The following OSBP variants were observed in gnomAD, a reference collection of about 807,000 sequenced individuals.
The protein encoded by OSBP is oxysterol-binding protein 1.
In OSBP, 32 loss-of-function variants were observed where a neutral mutation model predicts 96.6. The observed-to-expected ratio is 0.33, with a 90% CI of 0.25 to 0.45. The LOEUF (loss-of-function observed/expected upper bound fraction) is 0.45. OSBP is among the 20% of genes least tolerant of loss of function. The pLI, the probability that OSBP is intolerant of heterozygous loss-of-function variation, is 1.00. For missense variants in OSBP, 653 were observed against 1,029.7 expected (o/e 0.63, Z 5.01); for synonymous variants, 369 against 389.6 (o/e 0.95, Z 0.62).
intron 9 of OSBP, among the ~76,000 whole-genome samples, chr11:59,582,886 T>G (rs981157788): frequency 2.0e-5 from 3 of 152,224 alleles, no homozygotes; most frequent in Admixed American, 6.5e-5. Context: ...CCTAATAAAA[T>G]GCTTGAAACA....
At chr11:59,589,324 G>A (rs968688479) in intron 9 of OSBP, among the ~76,000 whole-genome samples, 1 of 151,768 alleles carries the variant, frequency 6.6e-6, no homozygotes, top group African/African-American at 2.4e-5. Context: ...TTGGCCAGGC[G>A]TGGTGGTGCC....
intron 1 of OSBP, among the ~76,000 whole-genome samples, chr11:59,611,208 T>G (rs1860842848): frequency 6.6e-6 from 1 of 150,636 alleles, no homozygotes; most frequent in South Asian, 2.1e-4. Context: ...CTACATGCAA[T>G]GTTAATTTAG....
At chr11:59,615,258 A>T in intron 1 of OSBP, 45 bp downstream of exon 1, 2 of 1,498,756 alleles carry the variant, frequency 1.3e-6, no homozygotes. Context: ...CTGTTGGCAG[A>T]TATGGGGGAG....
At chr11:59,583,940 GT>G (rs1196897419) in intron 9 of OSBP, among the ~76,000 whole-genome samples, 1,170 of 93,596 alleles carry the variant, frequency 0.013, 9 homozygotes, top group African/African-American at 0.047. Flanking sequence ...ACCTGATGGT[GT>G]TTTTTTTTTT....
intron 9 of OSBP, among the ~76,000 whole-genome samples, chr11:59,593,151 C>T (rs1860606574): frequency 6.6e-6 from 1 of 152,024 alleles, no homozygotes; most frequent in Admixed American, 6.6e-5. Flanking sequence ...TCAGCCATTA[C>T]ATAAATGATA....
intron 9 of OSBP, among the ~76,000 whole-genome samples, chr11:59,583,742 C>A (rs1292940836): frequency 2.1e-5 from 3 of 140,752 alleles, no homozygotes; most frequent in Non-Finnish European, 4.5e-5. Flanking sequence ...CTCCCGGGTT[C>A]AAACAATCCT....
At chr11:59,585,560 C>G (rs1216829887) in intron 9 of OSBP, among the ~76,000 whole-genome samples, 2 of 151,644 alleles carry the variant, frequency 1.3e-5, no homozygotes, top group African/African-American at 2.4e-5. Flanking sequence ...GTCAGCCCCC[C>G]GCCCGGCCAG....
At chr11:59,594,352 G>C in intron 7 of OSBP, 97 bp from the exon 8 acceptor site, 3 of 1,235,920 alleles carry the variant, frequency 2.4e-6, no homozygotes, top group Non-Finnish European at 3.4e-6. Context: ...ACTGGGAAAA[G>C]AGGGCTTTGC....
intron 11 of OSBP, among the ~76,000 whole-genome samples, chr11:59,579,098 A>G (rs1860391048): frequency 6.6e-6 from 1 of 152,134 alleles, no homozygotes; most frequent in African/African-American, 2.4e-5. Flanking sequence ...AGATACACGT[A>G]GCAAAAGCAT....
At chr11:59,584,820 G>A (rs1390904956) in intron 9 of OSBP, among the ~76,000 whole-genome samples, 1 of 151,934 alleles carries the variant, frequency 6.6e-6, no homozygotes, top group Non-Finnish European at 1.5e-5. Context: ...AGAAATAAAA[G>A]GCATCCAAGA....
chr11:59,594,333 A>G (rs1471005209), intron 7 of OSBP, 78 bp from the exon 8 acceptor site: 2 of 1,431,386 alleles, frequency 1.4e-6, no homozygotes, highest in Non-Finnish European at 1.9e-6. Flanking sequence ...GCAGTTTAGG[A>G]AATAAATCAC....
intron 3 of OSBP, among the ~76,000 whole-genome samples, chr11:59,602,062 TTCCTGGTCACG>T (rs1319327447): frequency 6.6e-6 from 1 of 152,176 alleles, no homozygotes; most frequent in Non-Finnish European, 1.5e-5. Flanking sequence ...CTTTTACACT[TTCCTGGTCACG>T]AGAACCAAAC....
intron 3 of OSBP, among the ~76,000 whole-genome samples, chr11:59,602,245 C>A (rs979526698): frequency 1.3e-5 from 2 of 152,162 alleles, no homozygotes; most frequent in African/African-American, 4.8e-5. Context: ...ACTCAAGTAA[C>A]TGAAAGCTAA....
At chr11:59,593,963 C>G in intron 8 of OSBP, 47 bp downstream of exon 8, 1 of 1,599,562 alleles carries the variant, frequency 6.3e-7, no homozygotes, top group Non-Finnish European at 8.5e-7. Context: ...AAAAAATCAT[C>G]TCTTTCTTCA....
Position 59,576,874 on chromosome 11 carries a change from G to A in OSBP, c.2212C>T (p.Arg738Cys), listed in dbSNP as rs931665341. Residue 738 changes from arginine (R) to cysteine (C), a missense_variant, in exon 13 of 14, where the codon CGC becomes TGC. Coordinates refer to ENST00000263847, the MANE Select transcript of OSBP (RefSeq NM_002556.3). ...GAAAGTCTTTGTTTTTCCTCCAGGC[G>A]CTGCTTCTCCGCATTTGCTTCATCC... ...RWDEANAEKQ[R>C]LEEKQRLSRK... The A allele has an allele frequency of 4.7e-5, 76 of 1,613,990 alleles. No individual in the cohort carries two copies. The highest frequency in any genetic ancestry group is 6.2e-5 in the Non-Finnish European group (73 of 1,180,046).
At chr11:59,595,944 A>AAAATAAAT (rs139081696) in intron 7 of OSBP, among the ~76,000 whole-genome samples, 1,862 of 138,536 alleles carry the variant, frequency 0.013, 12 homozygotes, top group East Asian at 0.018. Context: ...ACTCTGTCTA[A>AAAATAAAT]AAATAAATAA....
intron 1 of OSBP, among the ~76,000 whole-genome samples, chr11:59,611,213 AT>A (rs1860842955): frequency 6.6e-6 from 1 of 152,276 alleles, no homozygotes; most frequent in Admixed American, 6.5e-5. Flanking sequence ...TGCAATGTTA[AT>A]TTAGCAATTT....
chr11:59,577,759 G>C (rs539511618), intron 12 of OSBP, among the ~76,000 whole-genome samples: 3 of 152,334 alleles, frequency 2.0e-5, no homozygotes, highest in African/African-American at 7.2e-5. Context: ...CCAAAGTGCT[G>C]GGATTGCAGG....
chr11:59,580,396 A>C, intron 10 of OSBP, 127 bp from the exon 11 acceptor site: 1 of 677,192 alleles, frequency 1.5e-6, no homozygotes, highest in East Asian at 2.7e-5. Context: ...TTCAGATCTT[A>C]GCTAGCCTTG....
Sources: gnomAD v4.1 joint callset for allele counts (sites outside exome capture counted in the v4.1 genomes callset) on GRCh38, gnomAD v4.1.1 for gene constraint, MANE v1.5 for transcripts, NCBI Gene and HGNC (gene_info 2026-07-23, HGNC 2026-07-21) for gene names.